DNAH11: variants seen among roughly 807,000 people sequenced by gnomAD.
The protein encoded by DNAH11 is dynein axonemal heavy chain 11, also known as axonemal beta dynein heavy chain 11.
In DNAH11, 442 loss-of-function variants were observed where a neutral mutation model predicts 526.0. The observed-to-expected ratio is 0.84, with a 90% confidence interval of 0.78 to 0.91. The LOEUF (loss-of-function observed/expected upper bound fraction) is 0.91, where lower values mean the gene tolerates loss of function less well. Ranked by LOEUF, DNAH11 falls within the 40% of genes least tolerant of loss-of-function variation. The pLI, the probability that DNAH11 is intolerant of heterozygous loss-of-function variation, is 0.00. For missense variants in DNAH11, 6,989 were observed against 5,448.7 expected (o/e 1.28, Z -8.90); for synonymous variants, 2,461 against 1,935.9 (o/e 1.27, Z -7.12).
chr7:21,621,964 A>G (rs575591729), intron 25 of DNAH11, among the ~76,000 whole-genome samples: 146 of 152,216 alleles, frequency 9.6e-4, no homozygotes, highest in Non-Finnish European at 1.8e-3. Flanking sequence ...GGAAGTTCTG[A>G]CCAGGGCATT....
At chr7:21,712,870 T>C (rs1784512321) in intron 42 of DNAH11, among the ~76,000 whole-genome samples, 1 of 152,232 alleles carries the variant, frequency 6.6e-6, no homozygotes, top group African/African-American at 2.4e-5. Flanking sequence ...TGGAATGCCT[T>C]TGTCATTTTT....
intron 73 of DNAH11, among the ~76,000 whole-genome samples, chr7:21,872,056 G>A (rs1399105540): frequency 7.1e-6 from 1 of 140,588 alleles, no homozygotes; most frequent in Non-Finnish European, 1.5e-5. Context: ...CCCAGGAGAC[G>A]GAGTTTGCAG....
intron 65 of DNAH11, 71 bp from the exon 66 acceptor site, chr7:21,842,473 A>C: frequency 6.2e-6 from 8 of 1,294,964 alleles, no homozygotes; most frequent in Non-Finnish European, 8.5e-6. Context: ...GAATACAGGA[A>C]TGGAATGACA....
intron 14 of DNAH11, among the ~76,000 whole-genome samples, chr7:21,595,378 C>T (rs111894004): frequency 5.3e-5 from 8 of 152,292 alleles, no homozygotes; most frequent in African/African-American, 1.9e-4. Flanking sequence ...CAGACAGTGG[C>T]ACAGGCACGT....
chr7:21,626,410 C>CA (rs1241161562), intron 25 of DNAH11, among the ~76,000 whole-genome samples: 5 of 152,092 alleles, frequency 3.3e-5, no homozygotes, highest in South Asian at 2.1e-4. Context: ...ATTAGTACTG[C>CA]AAAAAACATG....
intron 45 of DNAH11, among the ~76,000 whole-genome samples, chr7:21,726,935 C>CTTTTTT (rs1330445927): frequency 6.3e-5 from 2 of 31,986 alleles, no homozygotes; most frequent in East Asian, 1.4e-3. Context: ...ATCCTCTTTT[C>CTTTTTT]TTTTTTTTTT....
Position 21,884,309 on chromosome 7 carries a change from C to A in DNAH11, c.12406C>A (p.Arg4136Ser). Residue 4136 changes from arginine (R) to serine (S), a missense_variant, in exon 76 of 82, where the codon CGT (arginine) becomes AGT (serine). Arg to Ser is a moderately radical substitution (Grantham distance 110). Coordinates refer to ENST00000409508, the MANE Select transcript of DNAH11 (RefSeq NM_001277115.2). Reference protein sequence around the residue: ...ANSKVPWEDLRYLFGEIMYGG... With the variant: ...ANSKVPWEDLSYLFGEIMYGG... ...TCCACAGGTCCCATGGGAAGATCTC[C>A]GTTATCTCTTTGGTGAGATCATGTA... is the stretch of plus-strand genomic sequence containing the variant. The A allele has an allele frequency of 6.2e-7, 1 of 1,609,138 alleles. No individual in the cohort carries two copies. The highest frequency in any genetic ancestry group is 8.5e-7 in the Non-Finnish European group (1 of 1,177,832).
chr7:21,854,531 A>G (rs767764641), intron 68 of DNAH11, 76 bp downstream of exon 68: 207 of 1,355,852 alleles, frequency 1.5e-4, no homozygotes, highest in Non-Finnish European at 2.0e-4. Flanking sequence ...AATTTATTTT[A>G]TTATTGATAA....
At chr7:21,550,516 G>A (rs1318025948) in intron 2 of DNAH11, among the ~76,000 whole-genome samples, 1 of 152,132 alleles carries the variant, frequency 6.6e-6, no homozygotes, top group Non-Finnish European at 1.5e-5. Context: ...TCTTGGGGCT[G>A]TTCTAATCCT....
chr7:21,597,154 T>C (rs566779234), intron 14 of DNAH11, among the ~76,000 whole-genome samples: 1 of 152,320 alleles, frequency 6.6e-6, no homozygotes, highest in African/African-American at 2.4e-5. Flanking sequence ...CATTCAGTTA[T>C]CTAAAGCTCT....
At chr7:21,545,981 CA>C (rs1294834221) in intron 2 of DNAH11, among the ~76,000 whole-genome samples, 3 of 152,164 alleles carry the variant, frequency 2.0e-5, no homozygotes, top group African/African-American at 7.2e-5. Flanking sequence ...GAATGGGAGC[CA>C]AGTAGCAGCA....
In DNAH11 at chr7:21,702,816, A is replaced by G. The variant is rs142722418; in HGVS notation, c.6273+14A>G. ...CCCGAAGATCAGGTACTGCAATGCT[A>G]ATATGATTTTGTTGAGTGAGTAGCT... On this transcript the variant is annotated intron_variant, in intron 37 of 81. Transcript: ENST00000409508. 35 of 1,607,954 alleles carry G rather than the reference A, an allele frequency of 2.2e-5. No individual in the cohort carries two copies. In the African/African-American group the frequency reaches 3.1e-4, roughly 14 times the overall value.
intron 55 of DNAH11, among the ~76,000 whole-genome samples, chr7:21,766,267 G>A (rs193104390): frequency 9.8e-5 from 15 of 152,308 alleles, no homozygotes; most frequent in African/African-American, 3.4e-4. Context: ...GAAAAAGGAT[G>A]TAGATATGAG....
chr7:21,855,072 C>G (rs903492943), intron 68 of DNAH11, among the ~76,000 whole-genome samples: 1 of 146,796 alleles, frequency 6.8e-6, no homozygotes, highest in Non-Finnish European at 1.5e-5. Flanking sequence ...CCCTCTGTCG[C>G]CCACGCTGGA....
Position 21,725,834 on chromosome 7 carries a change from C to G in DNAH11, c.7290C>G (p.Phe2430Leu), listed in dbSNP as rs12536928. ...QDQISDYQAD[F>L]SRWWQKEMKA... The stretch of plus-strand genomic sequence containing the variant: ...AGATTTCTGATTATCAAGCTGACTT[C>G]AGTCGGTGGTGGCAGAAAGAGATGA... Residue 2430 changes from phenylalanine (F) to leucine (L), a missense_variant, in exon 45 of 82, where the codon TTC becomes TTG. Physicochemically the swap from Phe to Leu is conservative, Grantham distance 22 (BLOSUM62 0). Coordinates refer to ENST00000409508, the MANE Select transcript of DNAH11 (RefSeq NM_001277115.2). The G allele has an allele frequency of 6.2e-7, 1 of 1,610,746 alleles. No individual in the cohort carries two copies. Among genetic ancestry groups the G allele is most frequent in the Non-Finnish European group, 8.5e-7 (1 of 1,178,336 alleles).
In DNAH11 at chr7:21,599,902, A is replaced by G. The variant is rs201386161; in HGVS notation, c.2783A>G (p.Asp928Gly). 3 of 1,613,606 alleles carry G rather than the reference A, an allele frequency of 1.9e-6. No individual in the cohort carries two copies. In the African/African-American group the frequency reaches 4.0e-5, roughly 22 times the overall value. ...GFFQAIMHDL[D>G]FFLKNTEKQL... ...TTTCAGGCTATAATGCACGACTTAG[A>G]CTTCTTTCTGAAGAATACAGAGAAA... Residue 928 changes from aspartate (D) to glycine (G), a missense_variant, in exon 15 of 82, where the codon GAC (aspartate) becomes GGC (glycine). By Grantham distance (94) the Asp-to-Gly change is moderately conservative (BLOSUM62 -1). Coordinates refer to ENST00000409508, the MANE Select transcript of DNAH11 (RefSeq NM_001277115.2).
rs573213293 is a variant in DNAH11 at position 21,606,116 on chromosome 7, G to A, written c.3649-310G>A. 3.9e-4 allele frequency among the ~76,000 whole-genome samples: 60 copies of A among 152,222 alleles called. 1 individual carries two copies. The highest frequency in any genetic ancestry group is 2.9e-3 in the East Asian group (15 of 5,176). On this transcript the variant is annotated intron_variant, in intron 18 of 81. Coordinates refer to ENST00000409508, the MANE Select transcript of DNAH11 (RefSeq NM_001277115.2). ...AGGCAGGTGAATCGCTTGAATTCAC[G>A]AGTTCAAGACCAGCCTGAACAACAT...
intron 39 of DNAH11, 130 bp downstream of exon 39, chr7:21,705,667 T>A: frequency 1.2e-6 from 1 of 812,832 alleles, no homozygotes; most frequent in Non-Finnish European, 2.0e-6. Flanking sequence ...GGTCAGAATC[T>A]GAGACTGGAA....
chr7:21,843,161 C>A (rs1782280038), intron 66 of DNAH11, among the ~76,000 whole-genome samples: 1 of 152,078 alleles, frequency 6.6e-6, no homozygotes, highest in African/African-American at 2.4e-5. Context: ...CATTCATGGC[C>A]TTAAGTATAT....
Sources: gnomAD v4.1 joint callset for allele counts (sites outside exome capture counted in the v4.1 genomes callset) on GRCh38, gnomAD v4.1.1 for gene constraint, MANE v1.5 for transcripts, NCBI Gene and HGNC (gene_info 2026-07-23, HGNC 2026-07-21) for gene names.